Variants in SLC17A3 observed in about 807,000 individuals in gnomAD.
The protein encoded by SLC17A3 is sodium-dependent phosphate transport protein 4.
Under a neutral mutation model 60.3 loss-of-function variants are expected in SLC17A3, and 61 were observed. The ratio of observed to expected loss-of-function variants is 1.01; its 90% confidence interval spans 0.82 to 1.25. The LOEUF is 1.25. Among genes scored for constraint, SLC17A3 ranks in the 50% most tolerant of loss-of-function variants. The pLI, the probability that SLC17A3 is intolerant of heterozygous loss-of-function variation, is 0.00. For synonymous variants in SLC17A3, 192 were observed against 208.9 expected (o/e 0.92, Z 0.70); for missense variants, 624 against 594.9 (o/e 1.05, Z -0.51).
At chr6:25,868,636 G>A in intron 1 of SLC17A3, 4 of 480,648 alleles carry the variant, frequency 8.3e-6, no homozygotes, top group Non-Finnish European at 1.5e-5. Flanking sequence ...CTCTTGGTGT[G>A]CCAGTTTATG....
In SLC17A3 at chr6:25,862,380, CGTT is replaced by C; in HGVS notation, c.153_155del (p.Thr52del). 1 of 1,613,602 alleles carries C rather than the reference CGTT, an allele frequency of 6.2e-7. No individual in the cohort carries two copies. The highest frequency in any genetic ancestry group is 8.5e-7 in the Non-Finnish European group (1 of 1,179,718). ...TGTTCATGATGACATTTTGTGCTATCGTTGTGAAATTGCAGAAATGTAAGACGA... is the reference window on the plus strand; with the variant it reads ...TGTTCATGATGACATTTTGTGCTATCGTGAAATTGCAGAAATGTAAGACGA... On this transcript the variant is annotated inframe_deletion, in exon 3 of 13. Coordinates refer to ENST00000397060, the MANE Select transcript of SLC17A3 (RefSeq NM_001098486.2).
At chr6:25,869,277 A>G (rs1414835631) in intron 1 of SLC17A3, among the ~76,000 whole-genome samples, 1 of 151,994 alleles carries the variant, frequency 6.6e-6, no homozygotes, top group Admixed American at 6.6e-5. Context: ...TAGTGCTCAT[A>G]TTATTAAATT....
chr6:25,865,411 G>C (rs937649206), intron 2 of SLC17A3, among the ~76,000 whole-genome samples: 1 of 151,930 alleles, frequency 6.6e-6, no homozygotes, highest in Non-Finnish European at 1.5e-5. Flanking sequence ...ATCTTTGTAA[G>C]GGTTTTTTTC....
At chr6:25,854,585 A>C (rs1561855550) in intron 6 of SLC17A3, among the ~76,000 whole-genome samples, 1 of 152,224 alleles carries the variant, frequency 6.6e-6, no homozygotes, top group Non-Finnish European at 1.5e-5. Context: ...GAAAGGTTTG[A>C]AAGTAGAATG....
At position 25,849,928 on chromosome 6, in the gene SLC17A3, A is replaced by G. The variant is rs1415329000; in HGVS notation, c.1148T>C (p.Ile383Thr). Reference sequence around the variant, plus strand: ...GGAATTGAGGTAAGGCAGAGACACAATGAGTGCTGAAGAGGGGAGACTTCC... The same window carrying G: ...GGAATTGAGGTAAGGCAGAGACACAGTGAGTGCTGAAGAGGGGAGACTTCC... ...ILGSLPSSAL[I>T]VSLPYLNSGY... The change falls in exon 10 of 13, where the codon ATT becomes ACT. Residue 383 changes from isoleucine to threonine, a missense_variant. Physicochemically the swap from Ile to Thr is moderately conservative, Grantham distance 89. Transcript: ENST00000397060. 1.1e-5 allele frequency: 18 copies of G among 1,613,972 alleles called. No individual in the cohort carries two copies. Among genetic ancestry groups the G allele is most frequent in the Admixed American group, 1.7e-5 (1 of 60,006 alleles).
chr6:25,855,247 A>G lies in SLC17A3; in HGVS notation c.626-17T>C. On this transcript the variant is annotated splice_polypyrimidine_tract_variant and intron_variant, in intron 5 of 12. Coordinates refer to ENST00000397060, the MANE Select transcript of SLC17A3 (RefSeq NM_001098486.2). ...GTAACATTCCTGCAAAGAGAGAGAAAGTAAGCTGTGGGACTCTAGACTTCT... is the reference window on the plus strand; with the variant it reads ...GTAACATTCCTGCAAAGAGAGAGAAGGTAAGCTGTGGGACTCTAGACTTCT... 6.3e-7 allele frequency: 1 copy of G among 1,589,588 alleles called. No individual in the cohort carries two copies. Among genetic ancestry groups the G allele is most frequent in the South Asian group, 1.1e-5 (1 of 90,326 alleles).
rs750151513 is a variant in SLC17A3 at position 25,861,879 on chromosome 6, A to G, written c.454T>C (p.Phe152Leu). ...GCCAGAGGGATGCATAGAGTGAGAA[A>G]TGAAGTTGCAAACAAAGAAATGCCA... Reference protein sequence around the residue: ...VVGISLFATSFLTLCIPLATD... With the variant: ...VVGISLFATSLLTLCIPLATD... The change falls in exon 4 of 13, where the codon TTT becomes CTT. Residue 152 changes from phenylalanine (F) to leucine (L), a missense_variant. By Grantham distance (22) the Phe-to-Leu change is conservative. Coordinates refer to ENST00000397060, the MANE Select transcript of SLC17A3 (RefSeq NM_001098486.2). 4 of 1,613,262 alleles carry G rather than the reference A, an allele frequency of 2.5e-6. No homozygotes were observed. The highest frequency in any genetic ancestry group is 2.2e-5 in the East Asian group (1 of 44,870).
At chr6:25,867,705 T>C (rs556611110) in intron 2 of SLC17A3, among the ~76,000 whole-genome samples, 1 of 152,048 alleles carries the variant, frequency 6.6e-6, no homozygotes, top group South Asian at 2.1e-4. Context: ...CTATTGGATA[T>C]GTTGGAATAT....
rs115841196 is a variant in SLC17A3 at position 25,861,667 on chromosome 6, G to A, written c.582C>T (p.Gly194=). The change falls in exon 5 of 13, where the codon GGC becomes GGT. Residue 194 remains glycine, a synonymous_variant. Coordinates refer to ENST00000397060, the MANE Select transcript of SLC17A3 (RefSeq NM_001098486.2). ...GGQFAIWEKW[G]PPQERSRLCS... ...AGAGTCTGCTTCGTTCTTGTGGAGG[G>A]CCCCACTTTTCCCAAATTGCAAACT... 1.5e-4 allele frequency: 245 copies of A among 1,613,976 alleles called. 2 individuals are homozygous for A. The East Asian group carries it at 4.8e-3, about 32-fold the overall frequency.
Position 25,849,816 on chromosome 6 carries a change from A to G in SLC17A3, c.1260T>C (p.Asp420=). The change falls in exon 10 of 13, where the codon GAT becomes GAC. Residue 420 remains aspartate, a synonymous_variant. Coordinates refer to ENST00000397060, the MANE Select transcript of SLC17A3 (RefSeq NM_001098486.2). ...GATCAGAGTCCTACCTTGGAGCAAT[A>G]TCTAAGACATTGATATAAATCCCTG... The part of the protein sequence containing the change: ...CQSGIYINVL[D]IAPRYSSFLM... 6.2e-7 allele frequency: 1 copy of G among 1,613,774 alleles called. No homozygotes were observed. Among genetic ancestry groups the G allele is most frequent in the Non-Finnish European group, 8.5e-7 (1 of 1,179,662 alleles).
chr6:25,864,446 G>C (rs1278830407), intron 2 of SLC17A3, among the ~76,000 whole-genome samples: 2 of 151,952 alleles, frequency 1.3e-5, no homozygotes. Context: ...AAGCTATCTT[G>C]GATTAGGGTC....
Position 25,861,923 on chromosome 6 carries a change from A to G in SLC17A3, c.410T>C (p.Val137Ala). Residue 137 changes from valine (V) to alanine (A), a missense_variant, in exon 4 of 13, where the codon GTA (valine) becomes GCA (alanine). Coordinates refer to ENST00000397060, the MANE Select transcript of SLC17A3 (RefSeq NM_001098486.2). ...AATGCCAACCACTCGCTTTGTTCCT[A>G]CTCTTCCAGCCAGGTATCCACTGGG... ...MAPSGYLAGR[V>A]GTKRVVGISL... The G allele has an allele frequency of 6.2e-7, 1 of 1,612,598 alleles. No individual in the cohort carries two copies. Among genetic ancestry groups the G allele is most frequent in the Non-Finnish European group, 8.5e-7 (1 of 1,179,356 alleles).
At chr6:25,873,639 T>C (rs1379772305) in intron 1 of SLC17A3, among the ~76,000 whole-genome samples, 1 of 152,096 alleles carries the variant, frequency 6.6e-6, no homozygotes, top group Non-Finnish European at 1.5e-5. Context: ...TTTGGTTAAA[T>C]TTCACACCAA....
Position 25,849,735 on chromosome 6 carries a change from G to C in SLC17A3, c.1271+70C>G. 6 of 1,540,750 alleles carry C rather than the reference G, an allele frequency of 3.9e-6. No homozygotes were observed. The Admixed American group carries it at 1.0e-4, about 26-fold the overall frequency. On this transcript the variant is annotated intron_variant, in intron 10 of 12. Coordinates refer to ENST00000397060, the MANE Select transcript of SLC17A3 (RefSeq NM_001098486.2). ...GGTTTATTCATTTCCTAAGTTTGGGGATCCCAGAAAGCTGAAAGCTAAATC... is the reference window on the plus strand; with the variant it reads ...GGTTTATTCATTTCCTAAGTTTGGGCATCCCAGAAAGCTGAAAGCTAAATC...
intron 3 of SLC17A3, 75 bp downstream of exon 3, chr6:25,862,158 T>C: frequency 2.1e-6 from 3 of 1,454,258 alleles, no homozygotes; most frequent in South Asian, 2.4e-5. Context: ...TAAACATACA[T>C]ACTCTAGAAA....
intron 1 of SLC17A3, among the ~76,000 whole-genome samples, chr6:25,871,841 G>C (rs1485437316): frequency 6.6e-6 from 1 of 151,862 alleles, no homozygotes; most frequent in East Asian, 1.9e-4. Flanking sequence ...ATCCTAAAAA[G>C]AGAAATGAAA....
intron 10 of SLC17A3, 63 bp from the exon 11 acceptor site, chr6:25,849,527 G>T: frequency 2.0e-6 from 2 of 978,436 alleles, no homozygotes; most frequent in Non-Finnish European, 3.3e-6. Context: ...CTTCAGCCCT[G>T]ATCCATGTAT....
chr6:25,846,933 A>G lies in SLC17A3; in HGVS notation c.1363-1417T>C, dbSNP rs747638852. ...GCCGGAAATATTATTTTCTAAAAAC[A>G]ACTTTTAGGCTTAGAGGCACATGTG... On this transcript the variant is annotated intron_variant, in intron 11 of 12. Coordinates refer to ENST00000397060, the MANE Select transcript of SLC17A3 (RefSeq NM_001098486.2). Among the ~76,000 whole-genome samples, 26 of 152,258 alleles carry G rather than the reference A, an allele frequency of 1.7e-4. No individual in the cohort carries two copies. The Middle Eastern group carries it at 0.01, about 60-fold the overall frequency.
At chr6:25,868,867 G>A (rs1428964751) in intron 1 of SLC17A3, among the ~76,000 whole-genome samples, 1 of 151,942 alleles carries the variant, frequency 6.6e-6, no homozygotes, top group East Asian at 1.9e-4. Flanking sequence ...ACAGTTTATT[G>A]TCATCATCAC....
Sources: allele counts gnomAD v4.1 joint callset (sites outside exome capture counted in the v4.1 genomes callset), GRCh38; gene constraint gnomAD v4.1.1; transcripts MANE v1.5; gene names NCBI Gene and HGNC (gene_info 2026-07-23, HGNC 2026-07-21).